Variants in CTSD observed in about 807,000 individuals in gnomAD.
CTSD encodes cathepsin D.
In CTSD, 28 loss-of-function variants were observed where a neutral mutation model predicts 43.6. That is an observed-to-expected ratio of 0.64 (90% CI 0.48 to 0.88). The LOEUF is 0.88. Ranked by LOEUF, CTSD falls within the 40% of genes least tolerant of loss-of-function variation. CTSD has a pLI of 0.00. For synonymous variants in CTSD, 270 were observed against 249.8 expected (o/e 1.08, Z -0.76); for missense variants, 485 against 555.2 (o/e 0.87, Z 1.27).
intron 7 of CTSD, 45 bp downstream of exon 7, chr11:1,753,949 C>T (rs970547833): frequency 6.2e-7 from 1 of 1,611,084 alleles, no homozygotes; most frequent in African/African-American, 1.3e-5. Context: ...GGCCTTGGGG[C>T]TCCCCCTGCC....
chr11:1,763,567 G>A lies in CTSD; in HGVS notation c.68+225C>T, dbSNP rs1033382430. The A allele has an allele frequency of 7.7e-6, 4 of 516,356 alleles. No individual in the cohort carries two copies. The African/African-American group carries it at 8.2e-5, about 11-fold the overall frequency. The allele number at this position is 516,356 out of a possible 1,614,324, so 32.0% of individuals were successfully genotyped here. ...AACCCAGGGTGGCATATGGGGGAGA[G>A]GCATCTGGCGCCTCTGCCCCGGGTC... On this transcript the variant is annotated intron_variant, in intron 1 of 8. Transcript: ENST00000236671.
chr11:1,756,699 C>A (rs1467449498), intron 5 of CTSD, among the ~76,000 whole-genome samples: 3 of 152,094 alleles, frequency 2.0e-5, no homozygotes, highest in Admixed American at 2.0e-4. Context: ...ACGTCCCCTT[C>A]CCAAGGTCAC....
In CTSD at chr11:1,753,230, G is replaced by T. The variant is rs1243694516; in HGVS notation, c.*273C>A. ...AGCTCGGCTGCCAAGCTTGGGTGGG[G>T]TCTTCCAATGCACGAAACAGATCTG... On this transcript the variant is annotated 3_prime_UTR_variant, in exon 9 of 9. Coordinates refer to ENST00000236671, the MANE Select transcript of CTSD (RefSeq NM_001909.5). 2 of 525,522 alleles carry T rather than the reference G, an allele frequency of 3.8e-6. No homozygotes were observed. Among genetic ancestry groups the T allele is most frequent in the Admixed American group, 3.2e-5 (1 of 31,558 alleles). 32.6% of individuals were successfully genotyped at this position (525,522 alleles called of 1,614,324 possible).
At chr11:1,761,249 T>A (rs529403531) in intron 2 of CTSD, 60 bp downstream of exon 2, 1 of 1,591,944 alleles carries the variant, frequency 6.3e-7, no homozygotes, top group Admixed American at 1.7e-5. Flanking sequence ...TTCCCCATAC[T>A]GCCACGGAGC....
At chr11:1,753,715 C>T (rs370522137) in intron 8 of CTSD, 45 bp from the exon 9 acceptor site, 366 of 1,608,324 alleles carry the variant, frequency 2.3e-4, no homozygotes, top group Non-Finnish European at 2.5e-4. Context: ...GCACCACCCG[C>T]CCCCCCACCT....
rs1382064587 is a variant in CTSD at position 1,753,841 on chromosome 11, T to G, written c.1033A>C (p.Lys345Gln). The change falls in exon 8 of 9, where the codon AAA becomes CAA. Residue 345 changes from lysine to glutamine, a missense_variant. Lys to Gln is a moderately conservative substitution (Grantham distance 53). Coordinates refer to ENST00000236671, the MANE Select transcript of CTSD (RefSeq NM_001909.5). The stretch of plus-strand genomic sequence containing the variant: ...TCCTCTGGGGACAGCTTGTAGCCTT[T>G]GCCTCCCAGCTTCAGTGTGATCGCG... ...LPAITLKLGG[K>Q]GYKLSPEDYT... The G allele has an allele frequency of 6.2e-7, 1 of 1,613,496 alleles. No homozygotes were observed. Among genetic ancestry groups the G allele is most frequent in the African/African-American group, 1.3e-5 (1 of 74,878 alleles).
At chr11:1,759,186 C>A (rs879875414) in intron 3 of CTSD, 99 bp from the exon 4 acceptor site, 164 of 1,004,212 alleles carry the variant, frequency 1.6e-4, no homozygotes, top group Middle Eastern at 5.1e-4. Flanking sequence ...GCCCGCACCC[C>A]CCAAGCTGCC....
In CTSD at chr11:1,759,659, G is replaced by C; in HGVS notation, c.229-20C>G. On this transcript the variant is annotated intron_variant, in intron 2 of 8. Coordinates refer to ENST00000236671, the MANE Select transcript of CTSD (RefSeq NM_001909.5). Reference sequence around the variant, plus strand: ...CTGGGCCTGGCAGGGGACAGGGTCCGTCAGGGATGGGAGAGGGGGCCCCAT... The same window carrying C: ...CTGGGCCTGGCAGGGGACAGGGTCCCTCAGGGATGGGAGAGGGGGCCCCAT... 1 of 1,606,404 alleles carries C rather than the reference G, an allele frequency of 6.2e-7. No homozygotes were observed. Among genetic ancestry groups the C allele is most frequent in the Non-Finnish European group, 8.5e-7 (1 of 1,175,216 alleles).
chr11:1,758,909 G>C (rs1377607864), intron 4 of CTSD, 60 bp downstream of exon 4: 1 of 1,227,210 alleles, frequency 8.1e-7, no homozygotes, highest in African/African-American at 1.5e-5. Context: ...CATACCCACG[G>C]TGGGTGAACC....
chr11:1,754,534 GGGATGGA>G (rs1409357394), intron 6 of CTSD, among the ~76,000 whole-genome samples: 11 of 21,900 alleles, frequency 5.0e-4, no homozygotes, highest in Non-Finnish European at 1.0e-3. Flanking sequence ...AGGGGATGGA[GGGATGGA>G]GGGATGGAGG....
rs1845748065 is a variant in CTSD at position 1,753,180 on chromosome 11, G to C, written c.*323C>G. 1 of 414,536 alleles carries C rather than the reference G, an allele frequency of 2.4e-6. No homozygotes were observed. The highest frequency in any genetic ancestry group is 4.6e-6 in the Non-Finnish European group (1 of 219,624). The allele number at this position is 414,536 out of a possible 1,614,324, so 25.7% of individuals were successfully genotyped here. Reference sequence around the variant, plus strand: ...AGGGCCGGGGAGGGGACTCCCTGGAGATGAAGGGAGCCCCAGGATACACGA... The same window carrying C: ...AGGGCCGGGGAGGGGACTCCCTGGACATGAAGGGAGCCCCAGGATACACGA... On this transcript the variant is annotated 3_prime_UTR_variant, in exon 9 of 9. Transcript: ENST00000236671.
At chr11:1,761,608 GA>G in intron 1 of CTSD, 140 bp from the exon 2 acceptor site, 1 of 911,730 alleles carries the variant, frequency 1.1e-6, no homozygotes. Flanking sequence ...CTGTCACCTG[GA>G]AACTGCTGGC....
intron 2 of CTSD, 153 bp downstream of exon 2, chr11:1,761,156 G>T (rs909671696): frequency 1.0e-5 from 8 of 777,814 alleles, no homozygotes; most frequent in South Asian, 1.5e-5. Flanking sequence ...GAATGGGGAA[G>T]AAAGGAGTGT....
chr11:1,754,543 GGAT>G (rs1845781823), intron 6 of CTSD, among the ~76,000 whole-genome samples: 1 of 138,556 alleles, frequency 7.2e-6, no homozygotes, highest in East Asian at 2.2e-4. Flanking sequence ...AGGGATGGAG[GGAT>G]GGAGGGGATG....
intron 6 of CTSD, among the ~76,000 whole-genome samples, chr11:1,754,633 ATG>A: frequency 7.3e-6 from 1 of 136,404 alleles, no homozygotes; most frequent in East Asian, 2.4e-4. Flanking sequence ...GCATGGAGGG[ATG>A]GACAGAAGGG....
rs765552540 is a variant in CTSD, at chr11:1,759,137, C to T, written c.353-50G>A. 4.6e-5 allele frequency: 62 copies of T among 1,348,758 alleles called. No individual in the cohort carries two copies. In the Admixed American group the frequency reaches 7.7e-4, roughly 17 times the overall value. The allele number at this position is 1,348,758 out of a possible 1,614,324, so 83.5% of individuals were successfully genotyped here. ...GCCGGTCATCCCGCAGCCCACGCCA[C>T]GGCCTTAGCCCTCCCATCCCCCTAC... On this transcript the variant is annotated intron_variant, in intron 3 of 8. Coordinates refer to ENST00000236671, the MANE Select transcript of CTSD (RefSeq NM_001909.5).
Position 1,757,502 on chromosome 11 carries a change from TCTC to T in CTSD, c.523_525del (p.Glu175del). On this transcript the variant is annotated inframe_deletion, in exon 5 of 9. Transcript: ENST00000236671. Reference sequence around the variant, plus strand: ...TTGGTGGCCTCCCCAAAGACCTGCCTCTCCACTTTGACACCGCCCAGGGCAGAG... The same window carrying T: ...TTGGTGGCCTCCCCAAAGACCTGCCTCACTTTGACACCGCCCAGGGCAGAG... 6.2e-7 allele frequency: 1 copy of T among 1,613,856 alleles called. No homozygotes were observed. Among genetic ancestry groups the T allele is most frequent in the Non-Finnish European group, 8.5e-7 (1 of 1,179,990 alleles).
At chr11:1,761,163 G>T in intron 2 of CTSD, 146 bp downstream of exon 2, 1 of 812,272 alleles carries the variant, frequency 1.2e-6, no homozygotes, top group Non-Finnish European at 2.1e-6. Context: ...GAAGAAAGGA[G>T]TGTGGCTGAG....
chr11:1,761,027 C>T (rs1845869266), intron 2 of CTSD: 3 of 481,804 alleles, frequency 6.2e-6, no homozygotes, highest in South Asian at 6.1e-5. Context: ...TCAGGCAGGC[C>T]CAAGGACCGC....
Sources: gnomAD v4.1 joint callset for allele counts (sites outside exome capture counted in the v4.1 genomes callset) on GRCh38, gnomAD v4.1.1 for gene constraint, MANE v1.5 for transcripts, NCBI Gene and HGNC (gene_info 2026-07-23, HGNC 2026-07-21) for gene names.